KANSL1: variants seen among roughly 807,000 people sequenced by gnomAD.
KANSL1 encodes KAT8 regulatory NSL complex subunit 1.
In KANSL1, 22 loss-of-function variants were observed where a neutral mutation model predicts 103.6. The ratio of observed to expected loss-of-function variants is 0.21; its 90% confidence interval spans 0.15 to 0.30. The LOEUF (loss-of-function observed/expected upper bound fraction) is 0.30, where lower values mean the gene tolerates loss of function less well. Among genes scored for constraint, KANSL1 ranks in the 10% least tolerant of loss-of-function variants. KANSL1 has a pLI of 1.00. For missense variants in KANSL1, 1,337 were observed against 1,399.8 expected (o/e 0.96, Z 0.72); for synonymous variants, 600 against 527.6 (o/e 1.14, Z -1.88).
At chr17:46,175,878 G>A (rs2046496676) in intron 1 of KANSL1, among the ~76,000 whole-genome samples, 1 of 152,210 alleles carries the variant, frequency 6.6e-6, no homozygotes, top group African/African-American at 2.4e-5. Context: ...CCAGTTGACA[G>A]TACTAATTCC....
At chr17:46,101,137 G>T (rs993663560) in intron 2 of KANSL1, among the ~76,000 whole-genome samples, 2 of 152,180 alleles carry the variant, frequency 1.3e-5, no homozygotes, top group Admixed American at 1.3e-4. Flanking sequence ...TCATCCCAGA[G>T]CGTACAATTG....
intron 2 of KANSL1, among the ~76,000 whole-genome samples, chr17:46,146,561 C>A (rs990323898): frequency 3.6e-5 from 4 of 112,414 alleles, no homozygotes; most frequent in African/African-American, 1.1e-4. Context: ...AGGCCGGGCG[C>A]GGTGGCTCAC....
intron 5 of KANSL1, among the ~76,000 whole-genome samples, chr17:46,067,345 C>A (rs1346351066): frequency 6.6e-6 from 1 of 152,134 alleles, no homozygotes; most frequent in Non-Finnish European, 1.5e-5. Flanking sequence ...TTACTCCATG[C>A]CCACTCCATT....
chr17:46,074,012 T>G (rs2078670798), intron 4 of KANSL1, among the ~76,000 whole-genome samples: 1 of 152,162 alleles, frequency 6.6e-6, no homozygotes, highest in Admixed American at 6.5e-5. Flanking sequence ...TGTATGCACC[T>G]GTGAGCATAG....
chr17:46,145,287 C>G (rs1283876677), intron 2 of KANSL1, among the ~76,000 whole-genome samples: 1 of 152,228 alleles, frequency 6.6e-6, no homozygotes, highest in Non-Finnish European at 1.5e-5. Flanking sequence ...TCTATGGGCC[C>G]ATCCCATATT....
At chr17:46,039,676 G>A in intron 8 of KANSL1, 26 bp downstream of exon 8, 1 of 1,601,786 alleles carries the variant, frequency 6.2e-7, no homozygotes, top group Non-Finnish European at 8.5e-7. Flanking sequence ...ATACTCTGGG[G>A]GACTTCCCGG....
chr17:46,139,928 G>A (rs1326768396), intron 2 of KANSL1, among the ~76,000 whole-genome samples: 1 of 152,134 alleles, frequency 6.6e-6, no homozygotes, highest in African/African-American at 2.4e-5. Flanking sequence ...TGGTTTACAG[G>A]CCACCACAAT....
At chr17:46,145,171 G>A (rs1014046722) in intron 2 of KANSL1, among the ~76,000 whole-genome samples, 5 of 152,224 alleles carry the variant, frequency 3.3e-5, no homozygotes, top group African/African-American at 1.2e-4. Context: ...AAAAGCCACG[G>A]AGACTAGTTT....
chr17:46,116,181 T>G (rs2043037098), intron 2 of KANSL1, among the ~76,000 whole-genome samples: 1 of 152,196 alleles, frequency 6.6e-6, no homozygotes, highest in South Asian at 2.1e-4. Flanking sequence ...TATTTAGATT[T>G]TATTAGAAAT....
intron 1 of KANSL1, among the ~76,000 whole-genome samples, chr17:46,209,508 T>C (rs1005427296): frequency 3.3e-5 from 5 of 152,234 alleles, no homozygotes; most frequent in African/African-American, 1.2e-4. Flanking sequence ...GTTGTTGTTT[T>C]TTTGAGACAG....
chr17:46,070,258 T>C (rs751143709), intron 4 of KANSL1, among the ~76,000 whole-genome samples: 1 of 152,068 alleles, frequency 6.6e-6, no homozygotes, highest in Non-Finnish European at 1.5e-5. Context: ...ATCAAAATAT[T>C]AAAAAGAATC....
intron 14 of KANSL1, 111 bp from the exon 15 acceptor site, chr17:46,031,814 T>C (rs943120501): frequency 2.8e-5 from 32 of 1,125,506 alleles, no homozygotes; most frequent in Non-Finnish European, 4.1e-5. Context: ...GTCTATCTAG[T>C]GTTCCTGCGA....
At chr17:46,038,166 C>A in intron 10 of KANSL1, 1 of 199,426 alleles carries the variant, frequency 5.0e-6, no homozygotes, top group Non-Finnish European at 1.0e-5. Context: ...ACCCACCCCT[C>A]CTCTCTTGTT....
Position 46,039,088 on chromosome 17 carries a change from G to A in KANSL1, c.2331C>T (p.Pro777=), listed in dbSNP as rs139663254. 201 of 1,611,950 alleles carry A rather than the reference G, an allele frequency of 1.2e-4. No individual in the cohort carries two copies. Among genetic ancestry groups the A allele is most frequent in the Non-Finnish European group, 1.6e-4 (191 of 1,179,700 alleles). ...TTTTGCTGTGGTTTGGGTCATGCAC[G>A]GGTGGTGGTGGGTTGAGCAAGCGCT... is the stretch of plus-strand genomic sequence containing the variant. ...KAERLLNPPP[P]VHDPNHSKMR... Residue 777 remains proline (P), a synonymous_variant, in exon 9 of 15, where the codon CCC becomes CCT. Coordinates refer to ENST00000432791, the MANE Select transcript of KANSL1 (RefSeq NM_015443.4).
At chr17:46,096,311 CTTTTTTTT>C (rs71138525) in intron 2 of KANSL1, among the ~76,000 whole-genome samples, 3 of 76,408 alleles carry the variant, frequency 3.9e-5, no homozygotes, top group East Asian at 4.8e-4. Context: ...GCTTTTTTTT[CTTTTTTTT>C]TTTTTTTTTT....
Position 46,032,116 on chromosome 17 carries a change from C to T in KANSL1, c.3021G>A (p.Arg1007=). Residue 1007 remains arginine, a synonymous_variant, in exon 14 of 15, where the codon CGG becomes CGA. Coordinates refer to ENST00000432791, the MANE Select transcript of KANSL1 (RefSeq NM_015443.4). ...LHSAPLTPVA[R]DTPRHLASED... ...CACTGGCTAAGTGTCGCGGAGTGTCCCGAGCCACAGGGGTGAGGGGTGCTG... is the reference window on the plus strand; with the variant it reads ...CACTGGCTAAGTGTCGCGGAGTGTCTCGAGCCACAGGGGTGAGGGGTGCTG... 1 of 1,614,004 alleles carries T rather than the reference C, an allele frequency of 6.2e-7. No individual in the cohort carries two copies. The highest frequency in any genetic ancestry group is 8.5e-7 in the Non-Finnish European group (1 of 1,179,978).
chr17:46,153,638 G>A (rs2045251394), intron 2 of KANSL1, among the ~76,000 whole-genome samples: 1 of 152,224 alleles, frequency 6.6e-6, no homozygotes, highest in Non-Finnish European at 1.5e-5. Context: ...CGGAGTTAAA[G>A]ATTTCATGAA....
chr17:46,121,760 G>A (rs2043290328), intron 2 of KANSL1, among the ~76,000 whole-genome samples: 2 of 152,040 alleles, frequency 1.3e-5, no homozygotes, highest in Admixed American at 1.3e-4. Context: ...AAACTATGGT[G>A]TACAGATTCT....
intron 1 of KANSL1, among the ~76,000 whole-genome samples, chr17:46,215,752 A>G (rs943730180): frequency 1.3e-5 from 2 of 152,226 alleles, no homozygotes; most frequent in African/African-American, 2.4e-5. Flanking sequence ...TAAAATGCCC[A>G]TAAGATGGCC....
Sources: allele counts gnomAD v4.1 joint callset (sites outside exome capture counted in the v4.1 genomes callset), GRCh38; gene constraint gnomAD v4.1.1; transcripts MANE v1.5; gene names NCBI Gene and HGNC (gene_info 2026-07-23, HGNC 2026-07-21).